EZH2: variants seen among roughly 807,000 people sequenced by gnomAD.
EZH2 encodes histone-lysine N-methyltransferase EZH2.
A neutral mutation model predicts 98.4 loss-of-function variants in EZH2; 18 were observed. The ratio of observed to expected loss-of-function variants is 0.18; its 90% CI spans 0.13 to 0.27. EZH2 has a LOEUF of 0.27. EZH2 is among the 10% of genes least tolerant of loss of function. The probability of loss-of-function intolerance (pLI) is 1.00; values close to 1 mark genes in which losing one functional copy is unlikely to be tolerated. For missense variants in EZH2, 470 were observed against 935.1 expected (o/e 0.50, Z 6.49); for synonymous variants, 338 against 312.3 (o/e 1.08, Z -0.87).
intron 2 of EZH2, among the ~76,000 whole-genome samples, chr7:148,846,844 G>C (rs1035366863): frequency 1.2e-3 from 27 of 23,418 alleles, no homozygotes; most frequent in African/African-American, 7.5e-3. Flanking sequence ...TTGACTGTGT[G>C]TGTGTGTGTG....
intron 1 of EZH2, among the ~76,000 whole-genome samples, chr7:148,879,732 C>A (rs562542458): frequency 6.6e-6 from 1 of 151,962 alleles, no homozygotes; most frequent in African/African-American, 2.4e-5. Flanking sequence ...ATTAGCCGAG[C>A]GTGGTGGCGC....
intron 18 of EZH2, 48 bp from the exon 19 acceptor site, chr7:148,809,203 G>C (rs773638620): frequency 2.1e-5 from 33 of 1,590,788 alleles, no homozygotes; most frequent in Middle Eastern, 1.7e-4. Context: ...CGGGCCACGG[G>C]GGGTTAACTG....
chr7:148,865,140 A>C (rs558915982), intron 1 of EZH2, among the ~76,000 whole-genome samples: 50 of 152,092 alleles, frequency 3.3e-4, no homozygotes, highest in Non-Finnish European at 5.0e-4. Flanking sequence ...AAAAAAAAAA[A>C]AAAGTACCAG....
chr7:148,812,245 T>C (rs1035736817), intron 15 of EZH2, among the ~76,000 whole-genome samples: 1 of 152,204 alleles, frequency 6.6e-6, no homozygotes, highest in African/African-American at 2.4e-5. Context: ...GATTTGTTCT[T>C]CCACCCCACC....
chr7:148,816,719 C>A lies in EZH2; in HGVS notation c.1470G>T (p.Val490=), dbSNP rs1392634666. The A allele has an allele frequency of 6.2e-7, 1 of 1,613,940 alleles. No homozygotes were observed. The highest frequency in any genetic ancestry group is 1.3e-5 in the African/African-American group (1 of 74,920). ...TCTTCTTTTTCCTTGGAGGAGTATC[C>A]ACATCCTCAGCGGGAGCTGGAGCTA... ...SIIAPAPAED[V]DTPPRKKKRK... The change falls in exon 12 of 20, where the codon GTG becomes GTT. Residue 490 remains valine, a synonymous_variant. Coordinates refer to ENST00000320356, the MANE Select transcript of EZH2 (RefSeq NM_004456.5).
intron 17 of EZH2, 137 bp from the exon 18 acceptor site, chr7:148,809,527 T>C: frequency 1.7e-6 from 1 of 598,274 alleles, no homozygotes; most frequent in East Asian, 2.7e-5. Flanking sequence ...AGCAGCTTCA[T>C]TCAGTAAGAA....
At chr7:148,853,593 G>A (rs554096982) in intron 1 of EZH2, among the ~76,000 whole-genome samples, 4 of 152,128 alleles carry the variant, frequency 2.6e-5, no homozygotes, top group Non-Finnish European at 5.9e-5. Context: ...ACCAGTCCAC[G>A]GCCTGGGGAC....
intron 1 of EZH2, among the ~76,000 whole-genome samples, chr7:148,864,447 C>G (rs967932996): frequency 1.3e-5 from 2 of 152,132 alleles, no homozygotes; most frequent in African/African-American, 4.8e-5. Context: ...CTTTGGGAGG[C>G]TAAGGCAGGC....
rs1218303603 is a variant in EZH2 at position 148,846,483 on chromosome 7, C to T, written c.233G>A (p.Arg78His). 6 of 1,613,428 alleles carry T rather than the reference C, an allele frequency of 3.7e-6. No homozygotes were observed. Among genetic ancestry groups the T allele is most frequent in the Middle Eastern group, 1.6e-4 (1 of 6,080 alleles). The change falls in exon 3 of 20, where the codon CGC becomes CAC. Residue 78 changes from arginine to histidine, a missense_variant. Coordinates refer to ENST00000320356, the MANE Select transcript of EZH2 (RefSeq NM_004456.5). ...ATGTTAACCAACCTCCCTAGTCCCG[C>T]GCAATGAGCTCACAGAAGTCAGGAT... ...VHILTSVSSL[R>H]GTRECSVTSD...
chr7:148,815,493 G>C lies in EZH2; in HGVS notation c.1546+13C>G. 6.2e-7 allele frequency: 1 copy of C among 1,611,994 alleles called. No homozygotes were observed. Among genetic ancestry groups the C allele is most frequent in the Non-Finnish European group, 8.5e-7 (1 of 1,177,996 alleles). On this transcript the variant is annotated intron_variant, in intron 13 of 19. Coordinates refer to ENST00000320356, the MANE Select transcript of EZH2 (RefSeq NM_004456.5). ...TGTTAAGCTAATAATGAGAGGAATG[G>C]AAAGATGCTAACCCTTTTTCAGCTG... is the stretch of plus-strand genomic sequence containing the variant.
At chr7:148,833,511 G>A (rs995269553) in intron 3 of EZH2, among the ~76,000 whole-genome samples, 1 of 152,056 alleles carries the variant, frequency 6.6e-6, no homozygotes, top group Non-Finnish European at 1.5e-5. Context: ...AACTTGTTCA[G>A]TTAATCTTCC....
At chr7:148,812,724 T>C (rs1036852664) in intron 15 of EZH2, among the ~76,000 whole-genome samples, 1 of 152,194 alleles carries the variant, frequency 6.6e-6, no homozygotes, top group African/African-American at 2.4e-5. Context: ...TTGAGATTTT[T>C]AGGTCTGAGC....
chr7:148,867,563 T>C (rs2129490188), intron 1 of EZH2, among the ~76,000 whole-genome samples: 1 of 152,310 alleles, frequency 6.6e-6, no homozygotes, highest in Admixed American at 6.5e-5. Flanking sequence ...TACAGTTACC[T>C]TCCTGCTATT....
At chr7:148,873,006 C>G (rs1054309543) in intron 1 of EZH2, among the ~76,000 whole-genome samples, 1 of 151,956 alleles carries the variant, frequency 6.6e-6, no homozygotes, top group African/African-American at 2.4e-5. Flanking sequence ...AAGACCCCAA[C>G]TCTACAAAAA....
chr7:148,874,768 T>C (rs940634370), intron 1 of EZH2, among the ~76,000 whole-genome samples: 2 of 151,986 alleles, frequency 1.3e-5, no homozygotes, highest in African/African-American at 4.8e-5. Context: ...AAGCCATCCA[T>C]TTCTATAATA....
intron 1 of EZH2, among the ~76,000 whole-genome samples, chr7:148,866,031 C>G (rs192528815): frequency 5.6e-4 from 86 of 152,272 alleles, no homozygotes; most frequent in African/African-American, 2.0e-3. Flanking sequence ...CTTATGTCGG[C>G]CCCACAGTTC....
intron 1 of EZH2, among the ~76,000 whole-genome samples, chr7:148,869,774 C>T (rs1819070545): frequency 6.6e-6 from 1 of 152,206 alleles, no homozygotes; most frequent in South Asian, 2.1e-4. Context: ...CAAGTTGTTC[C>T]ATTATTTATT....
At chr7:148,865,125 C>CAA (rs201434328) in intron 1 of EZH2, among the ~76,000 whole-genome samples, 45 of 92,380 alleles carry the variant, frequency 4.9e-4, no homozygotes, top group African/African-American at 6.0e-4. Flanking sequence ...AGACTTGTCT[C>CAA]AAAAAAAAAA....
intron 3 of EZH2, among the ~76,000 whole-genome samples, chr7:148,834,352 T>TATATATATATATATATATATATAC (rs1321608007): frequency 7.0e-6 from 1 of 143,318 alleles, no homozygotes; most frequent in African/African-American, 2.6e-5. Flanking sequence ...TATATATATA[T>TATATATATATATATATATATATAC]ACACACACAC....
Sources: gnomAD v4.1 joint callset for allele counts (sites outside exome capture counted in the v4.1 genomes callset) on GRCh38, gnomAD v4.1.1 for gene constraint, MANE v1.5 for transcripts, NCBI Gene and HGNC (gene_info 2026-07-23, HGNC 2026-07-21) for gene names.